Variants in RXFP1 observed in about 807,000 individuals in gnomAD.
The protein encoded by RXFP1 is relaxin family peptide receptor 1.
In RXFP1, 73 loss-of-function variants were observed where a neutral mutation model predicts 89.8. The observed-to-expected ratio is 0.81, with a 90% CI of 0.67 to 0.99. The LOEUF is 0.99. Among genes scored for constraint, RXFP1 ranks in the 50% least tolerant of loss-of-function variants. The pLI, the probability that RXFP1 is intolerant of heterozygous loss-of-function variation, is 0.00. For missense variants in RXFP1, 793 were observed against 895.5 expected (o/e 0.89, Z 1.46); for synonymous variants, 277 against 305.5 (o/e 0.91, Z 0.97).
intron 1 of RXFP1, among the ~76,000 whole-genome samples, chr4:158,526,641 CTG>C (rs1178221415): frequency 1.3e-5 from 2 of 152,150 alleles, no homozygotes; most frequent in Non-Finnish European, 1.5e-5. Context: ...TACTAAATAA[CTG>C]TATTTTATAG....
At chr4:158,526,933 C>G (rs1034426614) in intron 1 of RXFP1, among the ~76,000 whole-genome samples, 1 of 152,112 alleles carries the variant, frequency 6.6e-6, no homozygotes, top group African/African-American at 2.4e-5. Flanking sequence ...TCCTCAACTC[C>G]TCCTCCCATG....
chr4:158,639,700 T>A (rs1222007240), intron 14 of RXFP1, among the ~76,000 whole-genome samples: 1 of 152,082 alleles, frequency 6.6e-6, no homozygotes, highest in African/African-American at 2.4e-5. Flanking sequence ...TGAAACCTCG[T>A]CTCTACTAAA....
At chr4:158,595,282 G>C (rs1760318946) in intron 3 of RXFP1, among the ~76,000 whole-genome samples, 1 of 152,222 alleles carries the variant, frequency 6.6e-6, no homozygotes, top group Non-Finnish European at 1.5e-5. Context: ...AAACAGTCAT[G>C]AATGAGCAAT....
chr4:158,528,307 C>G (rs1743093986), intron 1 of RXFP1, among the ~76,000 whole-genome samples: 2 of 152,070 alleles, frequency 1.3e-5, no homozygotes, highest in African/African-American at 4.8e-5. Flanking sequence ...CAAGACCAGC[C>G]TGGGGGGGCA....
intron 8 of RXFP1, among the ~76,000 whole-genome samples, chr4:158,613,418 T>C (rs1290441067): frequency 2.6e-5 from 4 of 152,280 alleles, no homozygotes; most frequent in African/African-American, 4.8e-5. Flanking sequence ...AAGTCAATAC[T>C]CTCAAATCCT....
intron 4 of RXFP1, among the ~76,000 whole-genome samples, chr4:158,600,347 A>G (rs1422170988): frequency 6.6e-6 from 1 of 152,230 alleles, no homozygotes; most frequent in African/African-American, 2.4e-5. Context: ...TAGTGGTTCC[A>G]TTGAATTCAC....
intron 1 of RXFP1, among the ~76,000 whole-genome samples, chr4:158,558,559 A>G (rs1420231383): frequency 2.0e-5 from 3 of 152,224 alleles, no homozygotes; most frequent in African/African-American, 7.2e-5. Flanking sequence ...AAGCTGAACC[A>G]AATGTTCTTG....
intron 1 of RXFP1, among the ~76,000 whole-genome samples, chr4:158,565,405 T>C (rs912281215): frequency 6.6e-6 from 1 of 152,156 alleles, no homozygotes; most frequent in South Asian, 2.1e-4. Flanking sequence ...CTGAGAGACC[T>C]GGTGGCAGTG....
At chr4:158,607,269 C>A in intron 5 of RXFP1, 2 of 651,056 alleles carry the variant, frequency 3.1e-6, no homozygotes, top group East Asian at 2.7e-5. Flanking sequence ...TGTAAGCCTG[C>A]ATTCTTGTCT....
intron 17 of RXFP1, among the ~76,000 whole-genome samples, chr4:158,650,782 A>G (rs1772552726): frequency 6.6e-6 from 1 of 152,030 alleles, no homozygotes; most frequent in Admixed American, 6.6e-5. Flanking sequence ...AAAAAAAAAC[A>G]ATTGTATATA....
chr4:158,650,008 A>G (rs995689822), intron 17 of RXFP1, among the ~76,000 whole-genome samples: 10 of 152,268 alleles, frequency 6.6e-5, no homozygotes, highest in Non-Finnish European at 1.3e-4. Flanking sequence ...AGATTGGTAA[A>G]TGGATAAACA....
intron 9 of RXFP1, among the ~76,000 whole-genome samples, chr4:158,617,595 A>T (rs1008036005): frequency 1.3e-5 from 2 of 152,060 alleles, no homozygotes; most frequent in African/African-American, 4.8e-5. Context: ...TAATAAGAAT[A>T]TGATATTTAG....
intron 12 of RXFP1, among the ~76,000 whole-genome samples, chr4:158,635,682 T>C (rs926105424): frequency 4.6e-5 from 7 of 152,148 alleles, no homozygotes; most frequent in Non-Finnish European, 8.8e-5. Context: ...TAGTTTCCTT[T>C]TATTTTTAGT....
At chr4:158,547,538 C>T (rs1293419546) in intron 1 of RXFP1, among the ~76,000 whole-genome samples, 6 of 151,794 alleles carry the variant, frequency 4.0e-5, no homozygotes, top group Non-Finnish European at 7.4e-5. Context: ...TTAATTGTGA[C>T]GTTAGGGTGT....
intron 16 of RXFP1, among the ~76,000 whole-genome samples, chr4:158,648,014 C>A (rs1489154203): frequency 4.8e-5 from 7 of 144,736 alleles, no homozygotes; most frequent in East Asian, 2.0e-4. Flanking sequence ...GACTCCATCT[C>A]AAAAAAAAAA....
At chr4:158,595,023 G>A (rs1290188132) in intron 3 of RXFP1, among the ~76,000 whole-genome samples, 2 of 152,068 alleles carry the variant, frequency 1.3e-5, no homozygotes, top group Non-Finnish European at 2.9e-5. Context: ...GTAGATATAA[G>A]CACAATGTAT....
intron 1 of RXFP1, among the ~76,000 whole-genome samples, chr4:158,567,956 G>A (rs545351236): frequency 6.6e-6 from 1 of 152,296 alleles, no homozygotes; most frequent in African/African-American, 2.4e-5. Flanking sequence ...AGCTGCTCAC[G>A]CTTTGGATTC....
At chr4:158,650,780 AC>A (rs770070987) in intron 17 of RXFP1, among the ~76,000 whole-genome samples, 22 of 152,144 alleles carry the variant, frequency 1.4e-4, no homozygotes, top group Admixed American at 2.0e-4. Context: ...GGAAAAAAAA[AC>A]AATTGTATAT....
chr4:158,622,118 C>T (rs904163961), intron 9 of RXFP1, among the ~76,000 whole-genome samples: 1 of 152,280 alleles, frequency 6.6e-6, no homozygotes. Context: ...CGAGGCCAGC[C>T]TGGCCAACAT....
Sources: gnomAD v4.1 joint callset for allele counts (sites outside exome capture counted in the v4.1 genomes callset) on GRCh38, gnomAD v4.1.1 for gene constraint, MANE v1.5 for transcripts, NCBI Gene and HGNC (gene_info 2026-07-23, HGNC 2026-07-21) for gene names.